The following KCNQ1OT1 variants were observed in gnomAD, a reference collection of about 807,000 sequenced individuals.
KCNQ1OT1 encodes the protein KCNQ1 opposite strand/antisense transcript 1.
Position 2,612,490 on chromosome 11 carries a change from T to G in KCNQ1OT1, n.87505A>C. 1 of 398,632 alleles carries G rather than the reference T, an allele frequency of 2.5e-6. No individual in the cohort carries two copies. The highest frequency in any genetic ancestry group is 3.6e-5 in the East Asian group (1 of 28,078). 24.7% of individuals were successfully genotyped at this position (398,632 alleles called of 1,614,324 possible). A position where few individuals can be genotyped will look rare whatever the true frequency, so the allele number is the denominator to read the frequency against. ...CATCTTTATGGATCTGCGTTGAAGT[T>G]CATTGATTCTTTCTTCTGCCAGGTC... On this transcript the variant is annotated non_coding_transcript_exon_variant, in exon 1 of 1. Coordinates refer to ENST00000597346, the Ensembl canonical transcript of KCNQ1OT1. The surrounding 1 kb of genome is among the most constrained non-coding windows in gnomAD (Gnocchi z 5.5).
At position 2,657,371 on chromosome 11, in the gene KCNQ1OT1, C is replaced by T. The variant is rs1176174530; in HGVS notation, n.42624G>A. 7.5e-6 allele frequency: 3 copies of T among 398,452 alleles called. No homozygotes were observed. The highest frequency in any genetic ancestry group is 7.1e-5 in the East Asian group (2 of 28,074). 24.7% of individuals were successfully genotyped at this position (398,452 alleles called of 1,614,324 possible). A position where few individuals can be genotyped will look rare whatever the true frequency, so the allele number is the denominator to read the frequency against. On this transcript the variant is annotated non_coding_transcript_exon_variant, in exon 1 of 1. Coordinates refer to ENST00000597346, the Ensembl canonical transcript of KCNQ1OT1. This position sits in a 1 kb window ranked among gnomAD's most constrained non-coding sequence, Gnocchi z 4.8. ...AGGCATATTTCTCCATTTATATCTT[C>T]TTCATTGTCTCTTACTAAAGTTTTA...
At chr11:2,666,113 C>T in exon 1 of KCNQ1OT1, 1 of 398,728 alleles carries the variant, frequency 2.5e-6, no homozygotes, top group Non-Finnish European at 4.4e-6. Context: ...TGTGGTTTCT[C>T]TGAAGGGCCC....
Position 2,664,577 on chromosome 11 carries a change from T to A in KCNQ1OT1, n.35418A>T, listed in dbSNP as rs1850030122. ...GGGCCGTGCAGGTCTTCTGCCCGCATTGGGGCTGCATTCCTCCACCTCCTG... is the reference window on the plus strand; with the variant it reads ...GGGCCGTGCAGGTCTTCTGCCCGCAATGGGGCTGCATTCCTCCACCTCCTG... On this transcript the variant is annotated non_coding_transcript_exon_variant, in exon 1 of 1. Coordinates refer to ENST00000597346, the Ensembl canonical transcript of KCNQ1OT1. This position sits in a 1 kb window ranked among gnomAD's most constrained non-coding sequence, Gnocchi z 5.1. 1 of 398,512 alleles carries A rather than the reference T, an allele frequency of 2.5e-6. No individual in the cohort carries two copies. Among genetic ancestry groups the A allele is most frequent in the East Asian group, 3.6e-5 (1 of 28,066 alleles). The allele number at this position is 398,512 out of a possible 1,614,324, so 24.7% of individuals were successfully genotyped here. A position where few individuals can be genotyped will look rare whatever the true frequency, so the allele number is the denominator to read the frequency against.
Position 2,690,779 on chromosome 11 carries a change from G to T in KCNQ1OT1, n.9216C>A, listed in dbSNP as rs956813874. 5 of 398,568 alleles carry T rather than the reference G, an allele frequency of 1.3e-5. No individual in the cohort carries two copies. The highest frequency in any genetic ancestry group is 2.1e-5 in the African/African-American group (1 of 48,622). The allele number at this position is 398,568 out of a possible 1,614,324, so 24.7% of individuals were successfully genotyped here. A position where few individuals can be genotyped will look rare whatever the true frequency, so the allele number is the denominator to read the frequency against. On this transcript the variant is annotated non_coding_transcript_exon_variant, in exon 1 of 1. Coordinates refer to ENST00000597346, the Ensembl canonical transcript of KCNQ1OT1. The surrounding 1 kb of genome is among the most constrained non-coding windows in gnomAD (Gnocchi z 5.1). ...TTAGGTGGATGTGGCCTGGCAGGGG[G>T]TCAGCAGGAGGGAGGTCCCTGTCTC...
At chr11:2,686,714 T>C (rs1850495742) in exon 1 of KCNQ1OT1, 1 of 398,548 alleles carries the variant, frequency 2.5e-6, no homozygotes, top group African/African-American at 2.1e-5. Context: ...TGGGAAGTCC[T>C]ACTCGGCCCC....
chr11:2,626,529 T>TG lies in KCNQ1OT1; in HGVS notation n.73465dup. 1 of 398,582 alleles carries TG rather than the reference T, an allele frequency of 2.5e-6. No homozygotes were observed. 24.7% of individuals were successfully genotyped at this position (398,582 alleles called of 1,614,324 possible). A position where few individuals can be genotyped will look rare whatever the true frequency, so the allele number is the denominator to read the frequency against. Reference sequence around the variant, plus strand: ...TGATTACTGTAGCTTCGTAATAAGTTGGGGTTTTTGTTTGTTTTTCAGACA... The same window carrying TG: ...TGATTACTGTAGCTTCGTAATAAGTTGGGGGTTTTTGTTTGTTTTTCAGACA... On this transcript the variant is annotated non_coding_transcript_exon_variant, in exon 1 of 1. Coordinates refer to ENST00000597346, the Ensembl canonical transcript of KCNQ1OT1. The surrounding 1 kb of genome is among the most constrained non-coding windows in gnomAD (Gnocchi z 4.0).
rs1365013995 is a variant in KCNQ1OT1 at position 2,651,945 on chromosome 11, G to A, written n.48050C>T. On this transcript the variant is annotated non_coding_transcript_exon_variant, in exon 1 of 1. Coordinates refer to ENST00000597346, the Ensembl canonical transcript of KCNQ1OT1. This position sits in a 1 kb window ranked among gnomAD's most constrained non-coding sequence, Gnocchi z 6.1. ...TCCTCCTACTCACAGCCCTCCTGCA[G>A]CCAGCAGCAGTGGGGGAGCCAAGCT... The A allele has an allele frequency of 2.5e-6, 1 of 398,564 alleles. No individual in the cohort carries two copies. The highest frequency in any genetic ancestry group is 2.1e-5 in the African/African-American group (1 of 48,610). The allele number at this position is 398,564 out of a possible 1,614,324, so 24.7% of individuals were successfully genotyped here.
chr11:2,619,569 A>C (rs530725063), exon 1 of KCNQ1OT1: 2 of 398,492 alleles, frequency 5.0e-6, no homozygotes, highest in East Asian at 3.6e-5. Context: ...TAGTCTGCCA[A>C]TATTTTATTA....
exon 1 of KCNQ1OT1, chr11:2,636,284 C>T (rs1849463374): frequency 6.6e-6 from 1 of 152,190 alleles, no homozygotes; most frequent in Non-Finnish European, 1.5e-5. Flanking sequence ...GGAATGCTTC[C>T]AGTTTTTGCT....
Position 2,657,970 on chromosome 11 carries a change from G to A in KCNQ1OT1, n.42025C>T, listed in dbSNP as rs541675608. The A allele has an allele frequency of 7.5e-6, 3 of 398,460 alleles. No individual in the cohort carries two copies. In the South Asian group the frequency reaches 3.8e-4, roughly 51 times the overall value. The allele number at this position is 398,460 out of a possible 1,614,324, so 24.7% of individuals were successfully genotyped here. On this transcript the variant is annotated non_coding_transcript_exon_variant, in exon 1 of 1. Transcript: ENST00000597346. The surrounding 1 kb of genome is among the most constrained non-coding windows in gnomAD (Gnocchi z 4.8). The stretch of plus-strand genomic sequence containing the variant: ...CCTTGAGCCACTCGTTTAAAGTGGT[G>A]TCGGCCAGGCTCCTCCACTGTAAGT...
exon 1 of KCNQ1OT1, chr11:2,696,860 T>C: frequency 2.5e-6 from 1 of 398,624 alleles, no homozygotes; most frequent in Non-Finnish European, 4.4e-6. Flanking sequence ...TCAGTTGCTA[T>C]TGGCATAAAG....
At chr11:2,634,218 G>A (rs530384912) in exon 1 of KCNQ1OT1, 139 of 391,630 alleles carry the variant, frequency 3.5e-4, no homozygotes, top group East Asian at 1.7e-3. Flanking sequence ...TGTGCACAAC[G>A]TGCAGGTTTG....
exon 1 of KCNQ1OT1, chr11:2,644,881 A>T (rs564092782): frequency 2.5e-6 from 1 of 398,830 alleles, no homozygotes; most frequent in South Asian, 1.3e-4. Flanking sequence ...AGGCTGTGGT[A>T]AAGTCTGGCT....
chr11:2,610,905 A>T (rs1848970843), exon 1 of KCNQ1OT1: 1 of 398,308 alleles, frequency 2.5e-6, no homozygotes, highest in Non-Finnish European at 4.4e-6. Context: ...CAAGAATAGT[A>T]GTTGGGTAAT....
At chr11:2,692,110 A>G (rs1002820909) in exon 1 of KCNQ1OT1, 4 of 398,546 alleles carry the variant, frequency 1.0e-5, no homozygotes, top group Non-Finnish European at 1.8e-5. Context: ...CACAGCCTCC[A>G]TCATTTTATA....
exon 1 of KCNQ1OT1, chr11:2,656,842 G>T: frequency 2.5e-6 from 1 of 398,570 alleles, no homozygotes. Flanking sequence ...TTATAGTTAT[G>T]CTTTTCATAG....
exon 1 of KCNQ1OT1, chr11:2,628,289 C>T: frequency 2.5e-6 from 1 of 398,600 alleles, no homozygotes; most frequent in Non-Finnish European, 4.4e-6. Flanking sequence ...CACATCCTCA[C>T]CAACACTTGC....
In KCNQ1OT1 at chr11:2,651,369, A is replaced by G; in HGVS notation, n.48626T>C. ...AGAGCTGGGGTATTTATCTTTCACT[A>G]GTGAGTGCTGCCCCGGTGGTGGCTC... On this transcript the variant is annotated non_coding_transcript_exon_variant, in exon 1 of 1. Coordinates refer to ENST00000597346, the Ensembl canonical transcript of KCNQ1OT1. This position sits in a 1 kb window ranked among gnomAD's most constrained non-coding sequence, Gnocchi z 6.1. 2.5e-6 allele frequency: 1 copy of G among 398,740 alleles called. No homozygotes were observed. The highest frequency in any genetic ancestry group is 4.4e-6 in the Non-Finnish European group (1 of 226,154). The allele number at this position is 398,740 out of a possible 1,614,324, so 24.7% of individuals were successfully genotyped here.
exon 1 of KCNQ1OT1, chr11:2,630,529 A>G (rs979555547): frequency 2.5e-6 from 1 of 398,280 alleles, no homozygotes. Context: ...ACCTTTTAAT[A>G]TTGCATATCC....
Sources: gnomAD v4.1 joint callset for allele counts on GRCh38, gnomAD v4.1.1 for gene constraint, Gnocchi (gnomAD v3.1) non-coding constraint, MANE v1.5 for transcripts, NCBI Gene and HGNC (gene_info 2026-07-23, HGNC 2026-07-21) for gene names.